Variants in F7 observed in about 807,000 individuals in gnomAD.
F7 encodes the protein coagulation factor VII.
In F7, 38 loss-of-function variants were observed where a neutral mutation model predicts 47.5. The ratio of observed to expected loss-of-function variants is 0.80; its 90% CI spans 0.62 to 1.05. The LOEUF is 1.05. Ranked by LOEUF, F7 falls within the 50% of genes least tolerant of loss-of-function variation. The probability of loss-of-function intolerance (pLI) is 0.00; values close to 1 mark genes in which losing one functional copy is unlikely to be tolerated. For synonymous variants in F7, 244 were observed against 258.5 expected (o/e 0.94, Z 0.54); for missense variants, 575 against 605.4 (o/e 0.95, Z 0.53).
intron 1 of F7, among the ~76,000 whole-genome samples, chr13:113,107,289 G>GAGGC (rs2035981801): frequency 8.8e-6 from 1 of 113,958 alleles, no homozygotes; most frequent in Non-Finnish European, 1.9e-5. Flanking sequence ...GGGTGTCCCA[G>GAGGC]GAGTGTGGGT....
intron 5 of F7, 84 bp from the exon 6 acceptor site, chr13:113,116,682 G>A: frequency 8.8e-7 from 1 of 1,140,792 alleles, no homozygotes. Context: ...AGGCCTCTCA[G>A]AGGATGGGTG....
chr13:113,108,735 GGGAGTGTGGGTGTTCCA>G (rs2036024289), intron 1 of F7, among the ~76,000 whole-genome samples: 1 of 125,796 alleles, frequency 7.9e-6, no homozygotes, highest in Non-Finnish European at 1.7e-5. Flanking sequence ...TGGGTGTCCC[GGGAGTGTGGGTGTTCCA>G]GAGGCGAGGG....
chr13:113,109,519 C>G lies in F7; in HGVS notation c.65-1171C>G, dbSNP rs147894167. Among the ~76,000 whole-genome samples the G allele has an allele frequency of 4.6e-3, 702 of 152,304 alleles. 1 individual carries two copies. Among genetic ancestry groups the G allele is most frequent in the Middle Eastern group, 0.017 (5 of 294 alleles). On this transcript the variant is annotated intron_variant, in intron 1 of 7. Coordinates refer to ENST00000346342, the MANE Select transcript of F7 (RefSeq NM_019616.4). ...CACGTGGCCCAGTAGCGCTCACCTT[C>G]CGTCCCTTCTTCCGCGCTCAGTAAC...
At chr13:113,110,030 T>C (rs2036058627) in intron 1 of F7, among the ~76,000 whole-genome samples, 1 of 152,000 alleles carries the variant, frequency 6.6e-6, no homozygotes, top group East Asian at 1.9e-4. Context: ...CGGGGGGCTG[T>C]GCTCTCAGGA....
chr13:113,112,296 G>C (rs2036116598), intron 2 of F7, among the ~76,000 whole-genome samples: 1 of 135,418 alleles, frequency 7.4e-6, no homozygotes, highest in Non-Finnish European at 1.6e-5. Flanking sequence ...ACACTCACAG[G>C]TCACCTTACT....
Position 113,119,241 on chromosome 13 carries a change from A to G in F7, c.*233A>G, listed in dbSNP as rs1341434945. The G allele has an allele frequency of 6.9e-6, 4 of 580,152 alleles. No homozygotes were observed. The highest frequency in any genetic ancestry group is 5.6e-5 in the African/African-American group (3 of 53,534). The allele number at this position is 580,152 out of a possible 1,614,324, so 35.9% of individuals were successfully genotyped here. A position where few individuals can be genotyped will look rare whatever the true frequency, so the allele number is the denominator to read the frequency against. On this transcript the variant is annotated 3_prime_UTR_variant, in exon 8 of 8. Transcript: ENST00000346342. ...AGAGACTCCAAGATTCAAAGAGACT[A>G]ATAGAGACACAGAGATGGAATAGAA... is the stretch of plus-strand genomic sequence containing the variant.
chr13:113,105,853 G>A lies in F7; in HGVS notation c.12G>A (p.Gln4=). 1 of 1,590,028 alleles carries A rather than the reference G, an allele frequency of 6.3e-7. No individual in the cohort carries two copies. The highest frequency in any genetic ancestry group is 8.6e-7 in the Non-Finnish European group (1 of 1,168,914). The change falls in exon 1 of 8, where the codon CAG becomes CAA. Residue 4 remains glutamine (Q), a synonymous_variant. Transcript: ENST00000346342. ...GCAGAGATTTCATCATGGTCTCCCA[G>A]GCCCTCAGGCTCCTCTGCCTTCTGC... The part of the protein sequence containing the change: MVS[Q]ALRLLCLLLG...
chr13:113,116,966 G>A, intron 6 of F7, 91 bp downstream of exon 6: 5 of 1,078,634 alleles, frequency 4.6e-6, no homozygotes, highest in Non-Finnish European at 7.2e-6. Flanking sequence ...AAAATGGGCA[G>A]GTCAGCCCCA....
chr13:113,107,531 T>TC (rs1365797213), intron 1 of F7, among the ~76,000 whole-genome samples: 1 of 2,054 alleles, frequency 4.9e-4, no homozygotes, highest in Non-Finnish European at 9.6e-4. Flanking sequence ...GTCCCGGGAG[T>TC]GTGGGTGTCC....
In F7 at chr13:113,105,838, C is replaced by A. The variant is rs762649581; in HGVS notation, c.-4C>A. On this transcript the variant is annotated 5_prime_UTR_variant, in exon 1 of 8. The change creates a premature stop within an existing upstream ORF in the 5' untranslated region. Coordinates refer to ENST00000346342, the MANE Select transcript of F7 (RefSeq NM_019616.4). ...GGCAGGGGCAGCACTGCAGAGATTTCATCATGGTCTCCCAGGCCCTCAGGC... is the reference window on the plus strand; with the variant it reads ...GGCAGGGGCAGCACTGCAGAGATTTAATCATGGTCTCCCAGGCCCTCAGGC... The A allele has an allele frequency of 3.2e-5, 50 of 1,585,474 alleles. 1 individual carries two copies. In the Middle Eastern group the frequency reaches 6.6e-4, roughly 21 times the overall value.
At position 113,110,541 on chromosome 13, in the gene F7, G is replaced by T. The variant is rs965908798; in HGVS notation, c.65-149G>T. Reference sequence around the variant, plus strand: ...GCTGACCCGGGAGCACGGCAGGGAGGACACCCAGCCAGGCCCGCGAGCAGC... The same window carrying T: ...GCTGACCCGGGAGCACGGCAGGGAGTACACCCAGCCAGGCCCGCGAGCAGC... On this transcript the variant is annotated intron_variant, in intron 1 of 7. Transcript: ENST00000346342. The T allele has an allele frequency of 7.7e-6, 8 of 1,036,132 alleles. No individual in the cohort carries two copies. In the African/African-American group the frequency reaches 1.3e-4, roughly 17 times the overall value. The allele number at this position is 1,036,132 out of a possible 1,614,324, so 64.2% of individuals were successfully genotyped here.
Position 113,113,846 on chromosome 13 carries a change from G to A in F7, c.251-1G>A. The A allele has an allele frequency of 6.2e-7, 1 of 1,614,220 alleles. No homozygotes were observed. The highest frequency in any genetic ancestry group is 8.5e-7 in the Non-Finnish European group (1 of 1,180,040). On this transcript the variant is annotated splice_acceptor_variant, in intron 3 of 7. Transcript: ENST00000346342. LOFTEE classifies it high-confidence loss of function. This position sits in a 1 kb window ranked among gnomAD's most constrained non-coding sequence, Gnocchi z 4.1. ...CTTACTGACACCAGCCCACTCCACA[G>A]ATGGGGACCAGTGTGCCTCAAGTCC...
In F7 at chr13:113,117,500, T is replaced by C. The variant is rs1456628768; in HGVS notation, c.643T>C (p.Leu215=). 2 of 1,613,998 alleles carry C rather than the reference T, an allele frequency of 1.2e-6. No individual in the cohort carries two copies. The highest frequency in any genetic ancestry group is 1.3e-5 in the African/African-American group (1 of 74,926). Residue 215 remains leucine, a synonymous_variant, in exon 7 of 8, where the codon TTG becomes CTG. Transcript: ENST00000346342. ...QVLLLVNGAQ[L]CGGTLINTIW... is the part of the protein sequence containing the mutation. Reference sequence around the variant, plus strand: ...CCTGTTGTTGGTGAATGGAGCTCAGTTGTGTGGGGGGACCCTGATCAACAC... The same window carrying C: ...CCTGTTGTTGGTGAATGGAGCTCAGCTGTGTGGGGGGACCCTGATCAACAC...
At chr13:113,115,056 C>T (rs999247842) in intron 4 of F7, among the ~76,000 whole-genome samples, 2 of 152,224 alleles carry the variant, frequency 1.3e-5, no homozygotes, top group Non-Finnish European at 2.9e-5. Context: ...GCCCTGGTGC[C>T]CAGCAGCCCT....
In F7 at chr13:113,119,562, CAT is replaced by C. The variant is rs560585327; in HGVS notation, c.*556_*557del. ...ACGCAAACACACCGATGCACACGCA[CAT>C]AGAGATATGCACACACAGATGCACA... is the stretch of plus-strand genomic sequence containing the variant. On this transcript the variant is annotated 3_prime_UTR_variant, in exon 8 of 8. Transcript: ENST00000346342. 1.0e-4 allele frequency: 18 copies of C among 179,806 alleles called. No homozygotes were observed. In the East Asian group the frequency reaches 1.9e-3, roughly 19 times the overall value. 11.1% of individuals were successfully genotyped at this position (179,806 alleles called of 1,614,324 possible).
At chr13:113,116,196 A>T (rs2036190043) in intron 5 of F7, among the ~76,000 whole-genome samples, 1 of 152,158 alleles carries the variant, frequency 6.6e-6, no homozygotes, top group Admixed American at 6.5e-5. Context: ...GGAAAATGGG[A>T]TGTTTCTCCA....
rs762431471 is a variant in F7 at position 113,119,570 on chromosome 13, TATGCACACACAG to T, written c.*577_*588del. On this transcript the variant is annotated 3_prime_UTR_variant, in exon 8 of 8. Coordinates refer to ENST00000346342, the MANE Select transcript of F7 (RefSeq NM_019616.4). ...ACACCGATGCACACGCACATAGAGA[TATGCACACACAG>T]ATGCACACACAGATATACACATGGA... 23 of 174,598 alleles carry T rather than the reference TATGCACACACAG, an allele frequency of 1.3e-4. No individual in the cohort carries two copies. Among genetic ancestry groups the T allele is most frequent in the East Asian group, 3.3e-4 (2 of 6,068 alleles). 10.8% of individuals were successfully genotyped at this position (174,598 alleles called of 1,614,324 possible). A position where few individuals can be genotyped will look rare whatever the true frequency, so the allele number is the denominator to read the frequency against.
intron 1 of F7, chr13:113,110,360 C>A: frequency 3.5e-6 from 1 of 282,554 alleles, no homozygotes. Context: ...GGCCGCGCCG[C>A]CTTCTCCTCG....
chr13:113,107,293 T>C lies in F7; in HGVS notation c.64+1388T>C, dbSNP rs570778282. On this transcript the variant is annotated intron_variant, in intron 1 of 7. Coordinates refer to ENST00000346342, the MANE Select transcript of F7 (RefSeq NM_019616.4). ...CCCGGGGGCGTGGGTGTCCCAGGAG[T>C]GTGGGTGTCCCGGGGGCGTGGGTGT... 1.3e-3 allele frequency among the ~76,000 whole-genome samples: 87 copies of C among 67,194 alleles called. 10 individuals carry two copies. Among genetic ancestry groups the C allele is most frequent in the Non-Finnish European group, 1.7e-3 (56 of 33,436 alleles). 44.1% of individuals were successfully genotyped at this position (67,194 alleles called of 152,430 possible). A position where few individuals can be genotyped will look rare whatever the true frequency, so the allele number is the denominator to read the frequency against.
Sources: gnomAD v4.1 joint callset for allele counts (sites outside exome capture counted in the v4.1 genomes callset) on GRCh38, gnomAD v4.1.1 for gene constraint, Gnocchi (gnomAD v3.1) non-coding constraint, MANE v1.5 for transcripts, NCBI Gene and HGNC (gene_info 2026-07-23, HGNC 2026-07-21) for gene names.